LRRC40: variants seen among roughly 807,000 people sequenced by gnomAD.
LRRC40 encodes the protein leucine-rich repeat-containing protein 40.
A neutral mutation model predicts 72.8 loss-of-function variants in LRRC40; 76 were observed. The ratio of observed to expected loss-of-function variants is 1.04; its 90% CI spans 0.87 to 1.26. The LOEUF (loss-of-function observed/expected upper bound fraction) is 1.26. Among genes scored for constraint, LRRC40 ranks in the 50% most tolerant of loss-of-function variants. The probability of loss-of-function intolerance (pLI) is 0.00; values close to 1 mark genes in which losing one functional copy is unlikely to be tolerated. For synonymous variants in LRRC40, 243 were observed against 254.2 expected (o/e 0.96, Z 0.42); for missense variants, 684 against 698.9 (o/e 0.98, Z 0.24).
In LRRC40 at chr1:70,192,389, T is replaced by G. The variant is rs184597152; in HGVS notation, c.152-3116A>C. 4.6e-5 allele frequency among the ~76,000 whole-genome samples: 7 copies of G among 152,178 alleles called. No homozygotes were observed. The East Asian group carries it at 1.2e-3, about 25-fold the overall frequency. ...TAGGAGTGTAAATCAGTTCAACCAG[T>G]TTAGACAGCAGGATGGCGATTCCTC... On this transcript the variant is annotated intron_variant, in intron 1 of 14. Transcript: ENST00000370952.
intron 1 of LRRC40, among the ~76,000 whole-genome samples, chr1:70,200,252 C>G (rs995176115): frequency 1.1e-4 from 17 of 152,222 alleles, no homozygotes; most frequent in Non-Finnish European, 1.5e-4. Flanking sequence ...GGATTGTGGA[C>G]AGAGGGAGTT....
Position 70,189,237 on chromosome 1 carries a change from G to T in LRRC40, c.188C>A (p.Pro63His), listed in dbSNP as rs1558126219. 6.2e-7 allele frequency: 1 copy of T among 1,610,534 alleles called. No individual in the cohort carries two copies. Reference sequence around the variant, plus strand: ...CGAAAGATTCTGATTAGCTTCCTCAGGGATATCCACATTTATTCTCCAGAC... The same window carrying T: ...CGAAAGATTCTGATTAGCTTCCTCATGGATATCCACATTTATTCTCCAGAC... ...QCVWRINVDIPEEANQNLSFG... is the reference protein window; with the variant it reads ...QCVWRINVDIHEEANQNLSFG... Residue 63 changes from proline to histidine, a missense_variant, in exon 2 of 15, where the codon CCT (proline) becomes CAT (histidine). Pro to His is a moderately conservative substitution (Grantham distance 77). Coordinates refer to ENST00000370952, the MANE Select transcript of LRRC40 (RefSeq NM_017768.5).
At chr1:70,191,653 C>A (rs1032038561) in intron 1 of LRRC40, among the ~76,000 whole-genome samples, 1 of 152,012 alleles carries the variant, frequency 6.6e-6, no homozygotes, top group Admixed American at 6.6e-5. Context: ...CTTACAGCAT[C>A]AAGATTCATG....
intron 4 of LRRC40, among the ~76,000 whole-genome samples, chr1:70,181,722 T>G (rs1054384777): frequency 1.3e-5 from 2 of 152,192 alleles, no homozygotes; most frequent in African/African-American, 4.8e-5. Flanking sequence ...TTGGTTCTTC[T>G]GCTGACCTCA....
chr1:70,163,812 C>T (rs1053024845), intron 9 of LRRC40, among the ~76,000 whole-genome samples: 1 of 152,134 alleles, frequency 6.6e-6, no homozygotes, highest in African/African-American at 2.4e-5. Flanking sequence ...TGAATAAAGG[C>T]AATGTTTGCA....
chr1:70,148,610 T>C lies in LRRC40; in HGVS notation c.1580A>G (p.Asn527Ser), dbSNP rs1454434112. Residue 527 changes from asparagine to serine, a missense_variant, in exon 14 of 15, where the codon AAT becomes AGT. Transcript: ENST00000370952. ...IFTLETILIS[N>S]NQVGSVDPQK... ...AGGGTCCACAGATCCAACCTGATTA[T>C]TACTAATCAGAATTGTTTCAAGTGT... 6.2e-7 allele frequency: 1 copy of C among 1,611,430 alleles called. No homozygotes were observed. The highest frequency in any genetic ancestry group is 8.5e-7 in the Non-Finnish European group (1 of 1,177,790).
At chr1:70,205,193 G>A (rs971097445) in intron 1 of LRRC40, among the ~76,000 whole-genome samples, 197 bp downstream of exon 1, 34 of 152,326 alleles carry the variant, frequency 2.2e-4, no homozygotes, top group Admixed American at 5.2e-4. Context: ...CTTTAACAGA[G>A]ATTGCGGGAA....
At chr1:70,168,824 G>A (rs1667942756) in intron 9 of LRRC40, among the ~76,000 whole-genome samples, 1 of 152,098 alleles carries the variant, frequency 6.6e-6, no homozygotes, top group Non-Finnish European at 1.5e-5. Context: ...CAACCAATGG[G>A]CCAAAGAAGG....
chr1:70,184,665 T>A (rs950852617), intron 4 of LRRC40, 120 bp downstream of exon 4: 22 of 956,302 alleles, frequency 2.3e-5, no homozygotes, highest in Middle Eastern at 2.6e-4. Context: ...TTTCTGATAA[T>A]CTAATCACAA....
chr1:70,199,253 A>ACACG (rs1668682789), intron 1 of LRRC40, among the ~76,000 whole-genome samples: 1 of 150,794 alleles, frequency 6.6e-6, no homozygotes, highest in African/African-American at 2.4e-5. Flanking sequence ...ACACACACAC[A>ACACG]GTATTAGAAG....
At position 70,144,947 on chromosome 1, in the gene LRRC40, ACTT is replaced by A. The variant is rs1402447465; in HGVS notation, c.*850_*852del. On this transcript the variant is annotated 3_prime_UTR_variant, in exon 15 of 15. Coordinates refer to ENST00000370952, the MANE Select transcript of LRRC40 (RefSeq NM_017768.5). The stretch of plus-strand genomic sequence containing the variant: ...AATTGATATACATGCTACTGAATTG[ACTT>A]CTTAATAGAATCATATGGTAAGTGT... 6.6e-6 allele frequency: 1 copy of A among 152,206 alleles called. No homozygotes were observed. 9.4% of individuals were successfully genotyped at this position (152,206 alleles called of 1,614,324 possible).
rs371936584 is a variant in LRRC40 at position 70,170,909 on chromosome 1, C to T, written c.1111+2556G>A. On this transcript the variant is annotated intron_variant, in intron 9 of 14. Transcript: ENST00000370952. ...AAGCAATCCTGAGAAACAAGAGGAG[C>T]CCTCCTAAAGTAGGAGCCCTCAATC... is the stretch of plus-strand genomic sequence containing the variant. 9.9e-5 allele frequency among the ~76,000 whole-genome samples: 15 copies of T among 152,166 alleles called. 1 individual carries two copies. The East Asian group carries it at 2.3e-3, about 23-fold the overall frequency.
intron 7 of LRRC40, among the ~76,000 whole-genome samples, chr1:70,174,823 T>C (rs1324723835): frequency 6.6e-6 from 1 of 152,084 alleles, no homozygotes; most frequent in Admixed American, 6.5e-5. Flanking sequence ...TTTAGGGAGA[T>C]AGAAATGTTC....
At chr1:70,181,331 A>T in intron 4 of LRRC40, 122 bp from the exon 5 acceptor site, 1 of 517,878 alleles carries the variant, frequency 1.9e-6, no homozygotes. Flanking sequence ...TTAAGATGTG[A>T]TAAGTTGTGT....
At position 70,173,697 on chromosome 1, in the gene LRRC40, T is replaced by G. The variant is rs1433497115; in HGVS notation, c.990A>C (p.Ser330=). ...AAAATTTCAAATGAAGGTTCCCCAA[T>G]GAATAGGGAAGACTATAAAAGATTA... ...SNNDISSLPY[S]LGNLHLKFLA... is the part of the protein sequence containing the mutation. The change falls in exon 8 of 15, where the codon TCA becomes TCC. Residue 330 remains serine (S), a synonymous_variant. Transcript: ENST00000370952. The G allele has an allele frequency of 2.0e-6, 3 of 1,526,356 alleles. No homozygotes were observed. The highest frequency in any genetic ancestry group is 1.8e-5 in the Admixed American group (1 of 54,800). The allele number at this position is 1,526,356 out of a possible 1,614,324, so 94.6% of individuals were successfully genotyped here. A position where few individuals can be genotyped will look rare whatever the true frequency, so the allele number is the denominator to read the frequency against.
At chr1:70,153,362 CA>C (rs578043726) in intron 11 of LRRC40, among the ~76,000 whole-genome samples, 5 of 142,130 alleles carry the variant, frequency 3.5e-5, no homozygotes, top group Admixed American at 1.4e-4. Flanking sequence ...AACTCTGTCT[CA>C]AAAAAAAAGA....
chr1:70,205,497 C>G lies in LRRC40; in HGVS notation c.44G>C (p.Gly15Ala), dbSNP rs780886620. Residue 15 changes from glycine (G) to alanine (A), a missense_variant, in exon 1 of 15, where the codon GGT becomes GCT. Coordinates refer to ENST00000370952, the MANE Select transcript of LRRC40 (RefSeq NM_017768.5). ...KRIAGQDLRA[G>A]FKAGGRDCGT... ...GCAGTCTCTTCCACCTGCTTTGAAA[C>G]CAGCGCGGAGATCCTGCCCCGCTAT... 1 of 1,606,364 alleles carries G rather than the reference C, an allele frequency of 6.2e-7. No individual in the cohort carries two copies. Among genetic ancestry groups the G allele is most frequent in the African/African-American group, 1.3e-5 (1 of 74,990 alleles).
intron 1 of LRRC40, 138 bp from the exon 2 acceptor site, chr1:70,189,411 G>T: frequency 1.5e-6 from 1 of 681,258 alleles, no homozygotes; most frequent in Non-Finnish European, 2.4e-6. Context: ...CAAAAAATAA[G>T]TTAAATAGCA....
intron 9 of LRRC40, among the ~76,000 whole-genome samples, chr1:70,172,183 T>C (rs990616404): frequency 1.3e-5 from 2 of 152,178 alleles, no homozygotes; most frequent in African/African-American, 2.4e-5. Context: ...AGGTGCCATC[T>C]ATGAGAAACA....
Sources: gnomAD v4.1 joint callset for allele counts (sites outside exome capture counted in the v4.1 genomes callset) on GRCh38, gnomAD v4.1.1 for gene constraint, MANE v1.5 for transcripts, NCBI Gene and HGNC (gene_info 2026-07-23, HGNC 2026-07-21) for gene names.